LONRF1: variants seen among roughly 807,000 people sequenced by gnomAD.
LONRF1 encodes LON peptidase N-terminal domain and ring finger 1, also known as LON peptidase N-terminal domain and RING finger protein 1.
LONRF1 carries 37 observed loss-of-function variants against 85.8 expected under a neutral mutation model. That is an observed-to-expected ratio of 0.43 (90% confidence interval 0.33 to 0.57). LONRF1 has a LOEUF of 0.57. Among genes scored for constraint, LONRF1 ranks in the 20% least tolerant of loss-of-function variants. The pLI is 0.04. For missense variants in LONRF1, 1,036 were observed against 978.0 expected, an observed-to-expected ratio of 1.06 and a Z score of -0.79; for synonymous variants, 517 against 390.1, an observed-to-expected ratio of 1.33 and a Z score of -3.83.
chr8:12,727,056 T>G (rs1421061125), intron 10 of LONRF1, among the ~76,000 whole-genome samples: 2 of 150,518 alleles, frequency 1.3e-5, no homozygotes, highest in Non-Finnish European at 3.0e-5. Flanking sequence ...TGACTATACA[T>G]GATTCAGGCC....
chr8:12,742,285 G>A (rs1798965821), intron 2 of LONRF1, among the ~76,000 whole-genome samples: 1 of 152,132 alleles, frequency 6.6e-6, no homozygotes, highest in Admixed American at 6.5e-5. Flanking sequence ...ACACAGTTTT[G>A]AATGGAGGGA....
intron 2 of LONRF1, among the ~76,000 whole-genome samples, chr8:12,742,337 T>C (rs1798968283): frequency 6.6e-6 from 1 of 152,228 alleles, no homozygotes; most frequent in African/African-American, 2.4e-5. Flanking sequence ...AAAGAACACA[T>C]TTGGACTAAT....
In LONRF1 at chr8:12,725,678, T is replaced by C. The variant is rs936471380; in HGVS notation, c.2163+49A>G. 8 of 1,570,456 alleles carry C rather than the reference T, an allele frequency of 5.1e-6. No individual in the cohort carries two copies. In the South Asian group the frequency reaches 5.7e-5, roughly 11 times the overall value. On this transcript the variant is annotated intron_variant, in intron 11 of 11. Transcript: ENST00000398246. ...AAAACAAATGTAGAAGTGTGCAAAT[T>C]TGGGTTTATAAAAAAGTGACTTTTG...
At chr8:12,735,256 C>A in intron 7 of LONRF1, 30 bp downstream of exon 7, 1 of 1,458,956 alleles carries the variant, frequency 6.9e-7, no homozygotes, top group Non-Finnish European at 9.5e-7. Flanking sequence ...AACTTAAGAC[C>A]AACAAACAGA....
chr8:12,755,400 C>T lies in LONRF1; in HGVS notation c.21G>A (p.Ala7=), dbSNP rs1799604113. ...CCCGACTCCCTCCTGGGGAGGTCCT[C>T]GCCACCGCCGGAGAGGACATGGCCC... MSSPAV[A]RTSPGGSREM... Residue 7 remains alanine, a synonymous_variant, in exon 1 of 12, where the codon GCG becomes GCA. Transcript: ENST00000398246. 1.7e-6 allele frequency: 2 copies of T among 1,166,354 alleles called. No individual in the cohort carries two copies. The highest frequency in any genetic ancestry group is 3.8e-5 in the South Asian group (1 of 26,160). The allele number at this position is 1,166,354 out of a possible 1,614,324, so 72.3% of individuals were successfully genotyped here. A position where few individuals can be genotyped will look rare whatever the true frequency, so the allele number is the denominator to read the frequency against.
chr8:12,738,751 C>T (rs7014187), intron 3 of LONRF1: 145,142 of 152,246 alleles, frequency 0.95, 69,572 homozygotes, highest in East Asian at 1. Flanking sequence ...TGGGTGCTTA[C>T]CTCAGGAATA....
At chr8:12,743,488 T>C (rs568937570) in intron 1 of LONRF1, among the ~76,000 whole-genome samples, 1 of 152,314 alleles carries the variant, frequency 6.6e-6, no homozygotes, top group South Asian at 2.1e-4. Flanking sequence ...TCATTGTAAG[T>C]AGATCATTTT....
chr8:12,754,669 GC>G, intron 1 of LONRF1, 30 bp downstream of exon 1: 1 of 1,318,198 alleles, frequency 7.6e-7, no homozygotes, highest in Non-Finnish European at 9.6e-7. Flanking sequence ...GGTGCGGTCG[GC>G]CCGGCCCCGC....
chr8:12,742,493 C>T (rs1726899509), intron 2 of LONRF1, among the ~76,000 whole-genome samples: 1 of 152,168 alleles, frequency 6.6e-6, no homozygotes, highest in Non-Finnish European at 1.5e-5. Context: ...CATCTAGTTA[C>T]CATATAATAC....
Position 12,743,206 on chromosome 8 carries a change from T to A in LONRF1, c.798A>T (p.Glu266Asp), listed in dbSNP as rs1216589915. The A allele has an allele frequency of 6.2e-7, 1 of 1,613,174 alleles. No homozygotes were observed. Among genetic ancestry groups the A allele is most frequent in the African/African-American group, 1.3e-5 (1 of 74,890 alleles). Residue 266 changes from glutamate (E) to aspartate (D), a missense_variant, in exon 2 of 12, where the codon GAA (glutamate) becomes GAT (aspartate). By Grantham distance (45) the Glu-to-Asp change is conservative. Coordinates refer to ENST00000398246, the MANE Select transcript of LONRF1 (RefSeq NM_152271.5). ...GTTGAAAAAGAACTGCATTTAAATC[T>A]TCTATGGCTGCTTTAAACTCTTGGA... ...AGLQEFKAAI[E>D]DLNAVLFQLP...
At chr8:12,744,890 C>G (rs967054501) in intron 1 of LONRF1, among the ~76,000 whole-genome samples, 4 of 151,520 alleles carry the variant, frequency 2.6e-5, no homozygotes, top group Non-Finnish European at 4.4e-5. Flanking sequence ...TTTTTAACTT[C>G]CATTTTTTCT....
chr8:12,747,011 C>G (rs1216397133), intron 1 of LONRF1, among the ~76,000 whole-genome samples: 1 of 152,168 alleles, frequency 6.6e-6, no homozygotes, highest in South Asian at 2.1e-4. Context: ...TAATTTAATT[C>G]AAAGATGTTT....
At chr8:12,754,183 T>A (rs999841884) in intron 1 of LONRF1, 1 of 152,168 alleles carries the variant, frequency 6.6e-6, no homozygotes, top group African/African-American at 2.4e-5. Flanking sequence ...GGTTCCCAAT[T>A]GTCCCGGTGA....
intron 6 of LONRF1, among the ~76,000 whole-genome samples, chr8:12,735,897 C>T (rs1798699045): frequency 6.6e-6 from 1 of 152,094 alleles, no homozygotes. Context: ...AAAAGAATGA[C>T]CTAATAAATA....
At chr8:12,743,323 G>C in intron 1 of LONRF1, 41 bp from the exon 2 acceptor site, 7 of 1,165,750 alleles carry the variant, frequency 6.0e-6, no homozygotes, top group Non-Finnish European at 8.8e-6. Context: ...ATTTTTAAAA[G>C]ATTATTACAT....
chr8:12,747,409 T>G (rs952839545), intron 1 of LONRF1, among the ~76,000 whole-genome samples: 1 of 152,248 alleles, frequency 6.6e-6, no homozygotes, highest in African/African-American at 2.4e-5. Context: ...AAAAAATGTT[T>G]ACTCATACAA....
intron 2 of LONRF1, 123 bp downstream of exon 2, chr8:12,743,041 G>T: frequency 1.5e-6 from 1 of 687,230 alleles, no homozygotes; most frequent in East Asian, 2.7e-5. Flanking sequence ...TATATTTCTA[G>T]AGCACTAGAT....
intron 6 of LONRF1, 47 bp downstream of exon 6, chr8:12,736,654 T>C: frequency 8.1e-7 from 1 of 1,235,534 alleles, no homozygotes; most frequent in Non-Finnish European, 1.2e-6. Flanking sequence ...GTATTTTATG[T>C]ATACTAACAT....
chr8:12,728,872 GTA>G, intron 10 of LONRF1, 27 bp downstream of exon 10: 1 of 1,612,838 alleles, frequency 6.2e-7, no homozygotes, highest in African/African-American at 1.3e-5. Flanking sequence ...ATATACGAAA[GTA>G]TGCTGGCAAA....
Sources: gnomAD v4.1 joint callset for allele counts (sites outside exome capture counted in the v4.1 genomes callset) on GRCh38, gnomAD v4.1.1 for gene constraint, MANE v1.5 for transcripts, NCBI Gene and HGNC (gene_info 2026-07-23, HGNC 2026-07-21) for gene names.